The following KAZN variants were observed in gnomAD, a reference collection of about 807,000 sequenced individuals.
KAZN encodes kazrin, periplakin interacting protein.
Under a neutral mutation model 87.4 loss-of-function variants are expected in KAZN, and 40 were observed. The observed-to-expected ratio is 0.46, with a 90% CI of 0.36 to 0.60. The LOEUF (loss-of-function observed/expected upper bound fraction) is 0.60, where lower values mean the gene tolerates loss of function less well. KAZN is among the 20% of genes least tolerant of loss of function. KAZN has a pLI of 0.00. For missense variants in KAZN, 898 were observed against 1,073.9 expected, an observed-to-expected ratio of 0.84 and a Z score of 2.29; for synonymous variants, 466 against 458.3, an observed-to-expected ratio of 1.02 and a Z score of -0.22.
intron 1 of KAZN, among the ~76,000 whole-genome samples, chr1:14,797,149 CT>C (rs1359996721): frequency 6.6e-6 from 1 of 151,804 alleles, no homozygotes; most frequent in Non-Finnish European, 1.5e-5. Context: ...CAGCCTCCGC[CT>C]CCTGGGTTCA....
Position 14,388,190 on chromosome 1 carries a change from A to G in KAZN, c.249+207598A>G, listed in dbSNP as rs573675911. The stretch of plus-strand genomic sequence containing the variant: ...GCTTCGGCTGGCACACGGTGCGAGC[A>G]CCCCCTGACCTGCGCCCACTGTCTG... On this transcript the variant is annotated intron_variant, in intron 2 of 16. Transcript: ENST00000636203. 4.7e-4 allele frequency among the ~76,000 whole-genome samples: 72 copies of G among 152,068 alleles called. 1 individual carries two copies. Among genetic ancestry groups the G allele is most frequent in the African/African-American group, 1.5e-3 (64 of 41,458 alleles).
chr1:14,304,026 C>T (rs921801631), intron 2 of KAZN, among the ~76,000 whole-genome samples: 1 of 152,198 alleles, frequency 6.6e-6, no homozygotes, highest in Non-Finnish European at 1.5e-5. Flanking sequence ...TGCTAAATAG[C>T]TCTTACCTTA....
At chr1:14,755,308 T>C (rs1055555691) in intron 1 of KAZN, among the ~76,000 whole-genome samples, 1 of 152,100 alleles carries the variant, frequency 6.6e-6, no homozygotes, top group African/African-American at 2.4e-5. Flanking sequence ...TGCTTGTCCC[T>C]AAATTCCCTT....
intron 1 of KAZN, among the ~76,000 whole-genome samples, chr1:14,830,317 A>C (rs1266645833): frequency 6.6e-6 from 1 of 152,140 alleles, no homozygotes; most frequent in Non-Finnish European, 1.5e-5. Flanking sequence ...AGTCCCAGCA[A>C]AGGTCCTAGG....
At chr1:14,178,821 G>A (rs1646137044) in intron 1 of KAZN, among the ~76,000 whole-genome samples, 1 of 151,916 alleles carries the variant, frequency 6.6e-6, no homozygotes, top group African/African-American at 2.4e-5. Flanking sequence ...TAACTTTTTT[G>A]GCAGGTATTT....
At chr1:14,357,941 A>G (rs1288369892) in intron 2 of KAZN, among the ~76,000 whole-genome samples, 1 of 152,196 alleles carries the variant, frequency 6.6e-6, no homozygotes, top group Non-Finnish European at 1.5e-5. Flanking sequence ...GCCTCATTAA[A>G]TTAGTTAGGG....
intron 11 of KAZN, 112 bp downstream of exon 11, chr1:15,101,886 C>T (rs1003606427): frequency 7.3e-6 from 5 of 689,100 alleles, no homozygotes; most frequent in South Asian, 3.5e-5. Context: ...TCTGTCCACC[C>T]ATCCATCCAT....
chr1:14,048,679 A>T (rs1232932505), intron 1 of KAZN, among the ~76,000 whole-genome samples: 6 of 152,202 alleles, frequency 3.9e-5, no homozygotes, highest in African/African-American at 7.2e-5. Flanking sequence ...TGCTGGGATT[A>T]CAGGCATGAG....
In KAZN at chr1:14,690,774, A is replaced by AC. The variant is rs536671351; in HGVS notation, c.226+91552dup. Among the ~76,000 whole-genome samples the AC allele has an allele frequency of 2.2e-4, 33 of 152,304 alleles. 1 individual carries two copies. In the South Asian group the frequency reaches 4.8e-3, roughly 22 times the overall value. ...TAATATCCATAATTCATTCAAGAAG[A>AC]CTGACTCTGGAGACCTCACTGTGGT... On this transcript the variant is annotated intron_variant, in intron 1 of 14. Transcript: ENST00000376030.
At chr1:14,986,983 C>G (rs1206281544) in intron 2 of KAZN, among the ~76,000 whole-genome samples, 1 of 152,010 alleles carries the variant, frequency 6.6e-6, no homozygotes, top group East Asian at 1.9e-4. Context: ...AATTGACCTC[C>G]GATGCATGCC....
chr1:14,291,275 T>C (rs1215476350), intron 2 of KAZN, among the ~76,000 whole-genome samples: 1 of 152,254 alleles, frequency 6.6e-6, no homozygotes, highest in Non-Finnish European at 1.5e-5. Flanking sequence ...TGTTCAGCTA[T>C]GCCCTGCCCC....
At chr1:14,591,450 C>CACACACACACACACACA (rs1185437995) in intron 2 of KAZN, among the ~76,000 whole-genome samples, 1 of 148,090 alleles carries the variant, frequency 6.8e-6, no homozygotes, top group African/African-American at 2.5e-5. Flanking sequence ...CACACACACA[C>CACACACACACACACACA]CAAGAAAGAT....
chr1:15,082,433 C>A, intron 8 of KAZN, among the ~76,000 whole-genome samples: 1 of 152,142 alleles, frequency 6.6e-6, no homozygotes, highest in East Asian at 1.9e-4. Context: ...GGCTCAGAAG[C>A]CCAGGGCATG....
intron 2 of KAZN, among the ~76,000 whole-genome samples, chr1:14,251,643 C>CTTTTTTTTTTTTTTTTTTTT (rs549092023): frequency 1.1e-5 from 1 of 90,344 alleles, no homozygotes; most frequent in Non-Finnish European, 1.9e-5. Context: ...TTCTCCCGGA[C>CTTTTTTTTTTTTTTTTTTTT]TTTTTTTTTT....
intron 1 of KAZN, among the ~76,000 whole-genome samples, chr1:14,749,565 C>T (rs886463112): frequency 6.6e-6 from 1 of 152,174 alleles, no homozygotes; most frequent in Non-Finnish European, 1.5e-5. Flanking sequence ...AACCATGATG[C>T]AGCTTGCTCC....
chr1:14,365,848 G>A lies in KAZN; in HGVS notation c.249+185256G>A, dbSNP rs57005980. On this transcript the variant is annotated intron_variant, in intron 2 of 16. Coordinates refer to the KAZN transcript ENST00000636203. ...TGGGACTGCAGAAGTGGCTAATACA[G>A]CAGTTAGGTCATAAAGTGTAGATAG... 2.9e-3 allele frequency among the ~76,000 whole-genome samples: 437 copies of A among 152,288 alleles called. 3 individuals carry two copies. The highest frequency in any genetic ancestry group is 0.01 in the African/African-American group (417 of 41,560).
intron 2 of KAZN, among the ~76,000 whole-genome samples, chr1:14,454,187 C>G (rs891029394): frequency 6.6e-6 from 1 of 152,098 alleles, no homozygotes; most frequent in Non-Finnish European, 1.5e-5. Flanking sequence ...TTCTCCAAGG[C>G]ATGGAAAGAG....
intron 2 of KAZN, among the ~76,000 whole-genome samples, chr1:14,488,683 C>G (rs1669482510): frequency 6.6e-6 from 1 of 152,206 alleles, no homozygotes; most frequent in Non-Finnish European, 1.5e-5. Context: ...ACACAAAATG[C>G]TGTCCCTGAA....
rs538251285 is a variant in KAZN, at chr1:14,620,648, A to G, written c.226+21425A>G. 2.6e-5 allele frequency among the ~76,000 whole-genome samples: 4 copies of G among 152,320 alleles called. No individual in the cohort carries two copies. In the East Asian group the frequency reaches 7.7e-4, roughly 29 times the overall value. The stretch of plus-strand genomic sequence containing the variant: ...TACCAAGAAGTTTGTAGGGTGGCAG[A>G]GCCAGCTGGAATACCACAGTGGGCA... On this transcript the variant is annotated intron_variant, in intron 1 of 14. Coordinates refer to ENST00000376030, the MANE Select transcript of KAZN (RefSeq NM_201628.3).
Sources: gnomAD v4.1 joint callset for allele counts (sites outside exome capture counted in the v4.1 genomes callset) on GRCh38, gnomAD v4.1.1 for gene constraint, MANE v1.5 for transcripts, NCBI Gene and HGNC (gene_info 2026-07-23, HGNC 2026-07-21) for gene names.